NCKAP1L: variants seen among roughly 807,000 people sequenced by gnomAD.
NCKAP1L encodes the protein nck-associated protein 1-like.
In NCKAP1L, 53 loss-of-function variants were observed where a neutral mutation model predicts 139.2. The observed-to-expected ratio is 0.38, with a 90% CI of 0.31 to 0.48. The LOEUF (loss-of-function observed/expected upper bound fraction) is 0.48. Ranked by LOEUF, NCKAP1L falls within the 20% of genes least tolerant of loss-of-function variation. NCKAP1L has a pLI of 0.98. For missense variants in NCKAP1L, 1,151 were observed against 1,381.9 expected (o/e 0.83, Z 2.65); for synonymous variants, 468 against 499.7 (o/e 0.94, Z 0.85).
chr12:54,520,889 C>T, intron 17 of NCKAP1L, 63 bp downstream of exon 17: 4 of 1,604,024 alleles, frequency 2.5e-6, no homozygotes, highest in Non-Finnish European at 2.6e-6. Flanking sequence ...ACCCAAAACA[C>T]AATTCCAAGG....
At chr12:54,529,284 T>C (rs1387232189) in intron 22 of NCKAP1L, among the ~76,000 whole-genome samples, 1 of 152,164 alleles carries the variant, frequency 6.6e-6, no homozygotes, top group South Asian at 2.1e-4. Context: ...AGTGCTTTTG[T>C]GTCTCAGGGG....
At position 54,512,804 on chromosome 12, in the gene NCKAP1L, T is replaced by TTGTG. The variant is rs146581573; in HGVS notation, c.941+714_941+717dup. On this transcript the variant is annotated intron_variant, in intron 9 of 30. Coordinates refer to ENST00000293373, the MANE Select transcript of NCKAP1L (RefSeq NM_005337.5). ...TGTGTGTGTGTGTATGTGTGAGTAA[T>TTGTG]TGTGTGTGTGTGTGTGTGCCTGTGC... Among the ~76,000 whole-genome samples, 428 of 145,384 alleles carry TTGTG rather than the reference T, an allele frequency of 2.9e-3. 1 individual carries two copies. Among genetic ancestry groups the TTGTG allele is most frequent in the African/African-American group, 0.011 (410 of 38,444 alleles).
chr12:54,497,765 TG>T lies in NCKAP1L; in HGVS notation c.-23del. 6.7e-7 allele frequency: 1 copy of T among 1,481,804 alleles called. No homozygotes were observed. Among genetic ancestry groups the T allele is most frequent in the Non-Finnish European group, 9.4e-7 (1 of 1,060,070 alleles). The allele number at this position is 1,481,804 out of a possible 1,614,324, so 91.8% of individuals were successfully genotyped here. On this transcript the variant is annotated 5_prime_UTR_variant, in exon 1 of 31. Coordinates refer to ENST00000293373, the MANE Select transcript of NCKAP1L (RefSeq NM_005337.5). ...TTTGGGGAGATCAGACATTGCTGTC[TG>T]GTGCTCCTCTCTCAGTGGCCATCAT...
intron 3 of NCKAP1L, among the ~76,000 whole-genome samples, chr12:54,504,096 T>C (rs894934681): frequency 2.0e-5 from 3 of 152,134 alleles, no homozygotes; most frequent in Non-Finnish European, 2.9e-5. Context: ...ATAAAGAAGA[T>C]TGGAATTTCT....
intron 18 of NCKAP1L, among the ~76,000 whole-genome samples, chr12:54,521,507 A>G (rs534810029): frequency 2.5e-4 from 38 of 152,300 alleles, no homozygotes; most frequent in African/African-American, 8.7e-4. Context: ...TCACTTGAAG[A>G]GTTCTGAGAG....
chr12:54,509,807 C>T (rs1002563963), intron 6 of NCKAP1L, 41 bp from the exon 7 acceptor site: 4 of 1,614,054 alleles, frequency 2.5e-6, no homozygotes, highest in Admixed American at 1.7e-5. Context: ...GTATATTGTC[C>T]TCATGATTGC....
intron 26 of NCKAP1L, among the ~76,000 whole-genome samples, chr12:54,534,071 C>T (rs1444976942): frequency 6.6e-6 from 1 of 152,076 alleles, no homozygotes; most frequent in Non-Finnish European, 1.5e-5. Flanking sequence ...TTATTGAATG[C>T]CTTCTATGTG....
At position 54,499,460 on chromosome 12, in the gene NCKAP1L, A is replaced by G. The variant is rs754963828; in HGVS notation, c.208A>G (p.Ser70Gly). 6.5e-7 allele frequency: 1 copy of G among 1,546,018 alleles called. No individual in the cohort carries two copies. Among genetic ancestry groups the G allele is most frequent in the Non-Finnish European group, 8.9e-7 (1 of 1,118,182 alleles). The change falls in exon 2 of 31, where the codon AGC becomes GGC. Residue 70 changes from serine to glycine, a missense_variant. Ser to Gly is a moderately conservative substitution (Grantham distance 56, BLOSUM62 0). Transcript: ENST00000293373. ...ATTTCCCAACATAGATGTCCGAAAC[A>G]GCACGGTGAGAACTTGGTCCTTCTC... ...KKFPNIDVRNSTQHLGPVHRE... is the reference protein window; with the variant it reads ...KKFPNIDVRNGTQHLGPVHRE...
At chr12:54,516,446 TTTTC>T (rs901171521) in intron 10 of NCKAP1L, 151 bp downstream of exon 10, 14 of 687,622 alleles carry the variant, frequency 2.0e-5, no homozygotes, top group African/African-American at 3.9e-5. Context: ...TTTTCTTTTC[TTTTC>T]TTTTTTTTTT....
intron 17 of NCKAP1L, 53 bp from the exon 18 acceptor site, chr12:54,521,066 G>C: frequency 6.2e-7 from 1 of 1,610,682 alleles, no homozygotes; most frequent in Non-Finnish European, 8.5e-7. Flanking sequence ...TTGTGAGGAA[G>C]AAGTGGCCGT....
In NCKAP1L at chr12:54,546,641, T is replaced by G. The variant is rs1957199943; in HGVS notation, c.*3956T>G. The G allele has an allele frequency of 6.6e-6, 1 of 152,064 alleles. No individual in the cohort carries two copies. The highest frequency in any genetic ancestry group is 1.5e-5 in the Non-Finnish European group (1 of 68,024). 9.4% of individuals were successfully genotyped at this position (152,064 alleles called of 1,614,324 possible). On this transcript the variant is annotated 3_prime_UTR_variant, in exon 31 of 31. Transcript: ENST00000293373. ...GGTTGGGGGAAGAGTGTTCTTCCAG[T>G]CCTCCTCCCCACAGGGCCTCCTGCT...
intron 18 of NCKAP1L, 40 bp from the exon 19 acceptor site, chr12:54,523,354 C>A (rs1957000909): frequency 6.3e-7 from 1 of 1,586,552 alleles, no homozygotes; most frequent in Admixed American, 1.9e-5. Context: ...GTTTTAGCAA[C>A]AAATCCCCTT....
intron 30 of NCKAP1L, among the ~76,000 whole-genome samples, chr12:54,540,974 T>C (rs897295503): frequency 3.9e-5 from 6 of 152,216 alleles, no homozygotes; most frequent in African/African-American, 1.4e-4. Flanking sequence ...GTGAAGGAGC[T>C]GTATTCTGAG....
At chr12:54,501,704 C>T (rs2120870515) in intron 3 of NCKAP1L, among the ~76,000 whole-genome samples, 1 of 152,212 alleles carries the variant, frequency 6.6e-6, no homozygotes, top group East Asian at 1.9e-4. Context: ...TGGGGTATCC[C>T]CATGTTGGCC....
chr12:54,532,560 G>A (rs1002707059), intron 26 of NCKAP1L, among the ~76,000 whole-genome samples: 3 of 152,112 alleles, frequency 2.0e-5, no homozygotes, highest in Non-Finnish European at 2.9e-5. Flanking sequence ...GTGCAAATTA[G>A]ATAAACTATG....
At chr12:54,503,643 C>CT (rs1268109550) in intron 3 of NCKAP1L, among the ~76,000 whole-genome samples, 4,294 of 140,160 alleles carry the variant, frequency 0.031, 216 homozygotes, top group African/African-American at 0.1. Flanking sequence ...TTTTTCTTTT[C>CT]TTTTTTTTTT....
intron 7 of NCKAP1L, chr12:54,510,464 C>T: frequency 3.6e-6 from 1 of 281,138 alleles, no homozygotes; most frequent in South Asian, 3.1e-5. Flanking sequence ...GCTGGGACTA[C>T]AGGTGTGTGT....
rs1957189524 is a variant in NCKAP1L at position 54,545,331 on chromosome 12, A to T, written c.*2646A>T. On this transcript the variant is annotated 3_prime_UTR_variant, in exon 31 of 31. Coordinates refer to ENST00000293373, the MANE Select transcript of NCKAP1L (RefSeq NM_005337.5). ...CAGATTTAGAAATATTAAATGACTT[A>T]ATGAAGGTCACATGTTTAGCAGTAG... The T allele has an allele frequency of 6.6e-6, 1 of 152,208 alleles. No homozygotes were observed. Among genetic ancestry groups the T allele is most frequent in the Admixed American group, 6.5e-5 (1 of 15,282 alleles). The allele number at this position is 152,208 out of a possible 1,614,324, so 9.4% of individuals were successfully genotyped here. A position where few individuals can be genotyped will look rare whatever the true frequency, so the allele number is the denominator to read the frequency against.
intron 26 of NCKAP1L, among the ~76,000 whole-genome samples, chr12:54,533,606 C>T (rs867661885): frequency 1.3e-4 from 19 of 151,890 alleles, no homozygotes; most frequent in South Asian, 1.0e-3. Context: ...CAGAGTCTCG[C>T]TGTGTTGCCC....
Sources: gnomAD v4.1 joint callset for allele counts (sites outside exome capture counted in the v4.1 genomes callset) on GRCh38, gnomAD v4.1.1 for gene constraint, MANE v1.5 for transcripts, NCBI Gene and HGNC (gene_info 2026-07-23, HGNC 2026-07-21) for gene names.